ZNF148: variants seen among roughly 807,000 people sequenced by gnomAD.
ZNF148 encodes Beta-Enolase Repressor Factor-1.
ZNF148 carries 7 observed loss-of-function variants against 67.7 expected under a neutral mutation model. The observed-to-expected ratio is 0.10, with a 90% CI of 0.06 to 0.19. The LOEUF (loss-of-function observed/expected upper bound fraction) is 0.19, where lower values mean the gene tolerates loss of function less well. ZNF148 is among the 10% of genes least tolerant of loss of function. The probability of loss-of-function intolerance (pLI) is 1.00; values close to 1 mark genes in which losing one functional copy is unlikely to be tolerated. For missense variants in ZNF148, 583 were observed against 947.1 expected (o/e 0.62, Z 5.05); for synonymous variants, 333 against 330.7 (o/e 1.01, Z -0.08).
At chr3:125,352,748 G>C (rs538990568) in intron 1 of ZNF148, among the ~76,000 whole-genome samples, 1 of 150,084 alleles carries the variant, frequency 6.7e-6, no homozygotes, top group South Asian at 2.1e-4. Context: ...TTTTTTTGTA[G>C]ATACAGATGT....
chr3:125,232,168 T>C lies in ZNF148; in HGVS notation c.*173A>G, dbSNP rs1935879195. ...ACAACATGTAAGGCAGTTCAAAGAATGCTGACTAACCAAACGAAATGCAGT... is the reference window on the plus strand; with the variant it reads ...ACAACATGTAAGGCAGTTCAAAGAACGCTGACTAACCAAACGAAATGCAGT... On this transcript the variant is annotated 3_prime_UTR_variant, in exon 9 of 9. Transcript: ENST00000360647. The surrounding 1 kb of genome is among the most constrained non-coding windows in gnomAD (Gnocchi z 4.2). 1.3e-6 allele frequency: 1 copy of C among 751,496 alleles called. No homozygotes were observed. The highest frequency in any genetic ancestry group is 1.8e-5 in the African/African-American group (1 of 56,716). The allele number at this position is 751,496 out of a possible 1,614,324, so 46.6% of individuals were successfully genotyped here.
At position 125,277,825 on chromosome 3, in the gene ZNF148, C is replaced by T; in HGVS notation, c.584-16G>A. 6.3e-7 allele frequency: 1 copy of T among 1,597,634 alleles called. No homozygotes were observed. The stretch of plus-strand genomic sequence containing the variant: ...GGTTTTTCACCTTAAAATAATTTCA[C>T]ATCCACAAATTAGTTACTGAATAAA... On this transcript the variant is annotated splice_polypyrimidine_tract_variant and intron_variant, in intron 6 of 8. Coordinates refer to ENST00000360647, the MANE Select transcript of ZNF148 (RefSeq NM_021964.3).
intron 4 of ZNF148, among the ~76,000 whole-genome samples, chr3:125,294,123 A>T (rs576664989): frequency 1.3e-5 from 2 of 152,308 alleles, no homozygotes; most frequent in East Asian, 3.9e-4. Context: ...CAATCTAACC[A>T]TGAGAAAACA....
At chr3:125,257,558 TAAAAAAAAAA>T (rs747363908) in intron 7 of ZNF148, among the ~76,000 whole-genome samples, 4 of 92,350 alleles carry the variant, frequency 4.3e-5, no homozygotes, top group South Asian at 4.1e-4. Flanking sequence ...CCGTCTCTAT[TAAAAAAAAAA>T]AAAAAAAAAA....
chr3:125,255,986 T>A (rs796152912), intron 7 of ZNF148, among the ~76,000 whole-genome samples: 67 of 152,240 alleles, frequency 4.4e-4, no homozygotes, highest in African/African-American at 1.6e-3. Context: ...ATATTCTTCA[T>A]CAATTTTGTA....
chr3:125,341,062 G>A (rs1171307417), intron 1 of ZNF148, among the ~76,000 whole-genome samples: 2 of 137,400 alleles, frequency 1.5e-5, no homozygotes, highest in East Asian at 2.1e-4. Flanking sequence ...CCATAAATGA[G>A]AAAAGAAAAT....
Position 125,232,728 on chromosome 3 carries a change from T to C in ZNF148, c.1998A>G (p.Pro666=), listed in dbSNP as rs762802901. The C allele has an allele frequency of 2.5e-6, 4 of 1,613,752 alleles. No homozygotes were observed. The highest frequency in any genetic ancestry group is 3.4e-6 in the Non-Finnish European group (4 of 1,179,814). Residue 666 remains proline (P), a synonymous_variant, in exon 9 of 9, where the codon CCA becomes CCG. Transcript: ENST00000360647. This position sits in a 1 kb window ranked among gnomAD's most constrained non-coding sequence, Gnocchi z 4.2. ...INSFRSGMNS[P]LRTTPDKSHF... is the part of the protein sequence containing the mutation. ...GGGACTTATCTGGAGTTGTTCTTAG[T>C]GGAGAATTCATTCCTGATCGAAAGC... is the stretch of plus-strand genomic sequence containing the variant.
chr3:125,239,078 A>G (rs934953018), intron 7 of ZNF148, among the ~76,000 whole-genome samples: 1 of 152,232 alleles, frequency 6.6e-6, no homozygotes, highest in Non-Finnish European at 1.5e-5. Context: ...GATAGAAAGT[A>G]GAACAGTGGT....
At chr3:125,259,148 A>G (rs1937225134) in intron 7 of ZNF148, among the ~76,000 whole-genome samples, 1 of 152,144 alleles carries the variant, frequency 6.6e-6, no homozygotes, top group Non-Finnish European at 1.5e-5. Flanking sequence ...CAATAAATGA[A>G]AAACTCTCAA....
At chr3:125,302,569 C>T (rs983627789) in intron 4 of ZNF148, among the ~76,000 whole-genome samples, 3 of 152,092 alleles carry the variant, frequency 2.0e-5, no homozygotes, top group African/African-American at 7.2e-5. Context: ...TCTGGTATAT[C>T]GCATAATACA....
At position 125,231,398 on chromosome 3, in the gene ZNF148, A is replaced by G. The variant is rs2107826431; in HGVS notation, c.*943T>C. ...TTTTTTTTTACTTTGAGAAATCAAA[A>G]ATACCAAATAGATTCTAAGTGCTCT... is the stretch of plus-strand genomic sequence containing the variant. On this transcript the variant is annotated 3_prime_UTR_variant, in exon 9 of 9. Coordinates refer to ENST00000360647, the MANE Select transcript of ZNF148 (RefSeq NM_021964.3). 6.5e-6 allele frequency: 1 copy of G among 152,676 alleles called. No individual in the cohort carries two copies. Among genetic ancestry groups the G allele is most frequent in the African/African-American group, 2.4e-5 (1 of 41,576 alleles). The allele number at this position is 152,676 out of a possible 1,614,324, so 9.5% of individuals were successfully genotyped here.
At chr3:125,373,470 T>C (rs1207676648) in intron 1 of ZNF148, among the ~76,000 whole-genome samples, 1 of 152,052 alleles carries the variant, frequency 6.6e-6, no homozygotes, top group African/African-American at 2.4e-5. Flanking sequence ...GAGTTCCCTC[T>C]TGGAAATCTG....
chr3:125,303,266 T>C (rs770688884), intron 4 of ZNF148, among the ~76,000 whole-genome samples: 2 of 152,182 alleles, frequency 1.3e-5, no homozygotes, highest in Non-Finnish European at 2.9e-5. Flanking sequence ...AGATCTTTGT[T>C]ATCCTGGCTT....
At chr3:125,243,698 A>T (rs116695709) in intron 7 of ZNF148, among the ~76,000 whole-genome samples, 4,279 of 151,618 alleles carry the variant, frequency 0.028, 215 homozygotes, top group African/African-American at 0.098. Context: ...AATTAAGAAA[A>T]TTTTTTTTAT....
intron 1 of ZNF148, among the ~76,000 whole-genome samples, chr3:125,357,442 G>T (rs530613001): frequency 6.6e-6 from 1 of 152,336 alleles, no homozygotes; most frequent in East Asian, 1.9e-4. Flanking sequence ...TTCGCCAGAC[G>T]GTGGGCAAAA....
chr3:125,284,144 T>C (rs1213425103), intron 5 of ZNF148, among the ~76,000 whole-genome samples: 1 of 152,138 alleles, frequency 6.6e-6, no homozygotes, highest in Non-Finnish European at 1.5e-5. Flanking sequence ...CAACATGGGA[T>C]TTAGATAATA....
chr3:125,344,602 C>A, intron 1 of ZNF148: 1 of 800,768 alleles, frequency 1.2e-6, no homozygotes, highest in Admixed American at 1.7e-5. Flanking sequence ...ACCATTTAAT[C>A]CTGTCATAGA....
At position 125,254,387 on chromosome 3, in the gene ZNF148, G is replaced by C. The variant is rs531660869; in HGVS notation, c.668-20058C>G. On this transcript the variant is annotated intron_variant, in intron 7 of 8. Coordinates refer to ENST00000360647, the MANE Select transcript of ZNF148 (RefSeq NM_021964.3). ...TACATGGGCTATATATGTCACTCAGGTCATGGTTGTGTTATTCAGATCTCA... is the reference window on the plus strand; with the variant it reads ...TACATGGGCTATATATGTCACTCAGCTCATGGTTGTGTTATTCAGATCTCA... 2.0e-5 allele frequency among the ~76,000 whole-genome samples: 3 copies of C among 152,232 alleles called. No individual in the cohort carries two copies. In the East Asian group the frequency reaches 5.8e-4, roughly 29 times the overall value.
intron 7 of ZNF148, among the ~76,000 whole-genome samples, chr3:125,248,652 T>C (rs1936705684): frequency 1.3e-5 from 2 of 152,210 alleles, no homozygotes; most frequent in African/African-American, 2.4e-5. Flanking sequence ...ATAAAATGAT[T>C]TGCTTTTTTT....
Sources: allele counts gnomAD v4.1 joint callset (sites outside exome capture counted in the v4.1 genomes callset), GRCh38; gene constraint gnomAD v4.1.1; non-coding constraint Gnocchi (gnomAD v3.1); transcripts MANE v1.5; gene names NCBI Gene and HGNC (gene_info 2026-07-23, HGNC 2026-07-21).